ESF1: variants seen among roughly 807,000 people sequenced by gnomAD.
The protein encoded by ESF1 is ESF1 nucleolar pre-rRNA processing protein, also known as ESF1 homolog.
ESF1 carries 58 observed loss-of-function variants against 92.0 expected under a neutral mutation model. The observed-to-expected ratio is 0.63, with a 90% CI of 0.51 to 0.78. ESF1 has a LOEUF of 0.78. Ranked by LOEUF, ESF1 falls within the 30% of genes least tolerant of loss-of-function variation. The pLI is 0.00. For synonymous variants in ESF1, 321 were observed against 313.7 expected (o/e 1.02, Z -0.24); for missense variants, 922 against 989.1 (o/e 0.93, Z 0.91).
intron 8 of ESF1, among the ~76,000 whole-genome samples, chr20:13,761,929 C>T (rs1476782317): frequency 1.3e-5 from 2 of 152,154 alleles, no homozygotes; most frequent in Non-Finnish European, 2.9e-5. Context: ...GGAAACTCTA[C>T]TAGCAGGATA....
Position 13,733,844 on chromosome 20 carries a change from T to C in ESF1, c.1829-2A>G, listed in dbSNP as rs2049959476. ...TCTCTTCTGCACTTTCTTTAAGACC[T>C]GAGGAAAAATCCAAATAGTTTAGCT... On this transcript the variant is annotated splice_acceptor_variant, in intron 9 of 13. Coordinates refer to ENST00000617257, the MANE Select transcript of ESF1 (RefSeq NM_001276380.2). LOFTEE classifies it high-confidence loss of function. 2 of 1,597,594 alleles carry C rather than the reference T, an allele frequency of 1.3e-6. No individual in the cohort carries two copies. The highest frequency in any genetic ancestry group is 1.7e-6 in the Non-Finnish European group (2 of 1,175,098).
intron 9 of ESF1, among the ~76,000 whole-genome samples, chr20:13,756,156 C>T (rs1978884072): frequency 6.6e-6 from 1 of 152,184 alleles, no homozygotes; most frequent in Non-Finnish European, 1.5e-5. Context: ...TATCTCTAAG[C>T]AAGAAAGTGG....
intron 9 of ESF1, among the ~76,000 whole-genome samples, chr20:13,754,559 C>G (rs1194257120): frequency 1.3e-5 from 2 of 152,072 alleles, no homozygotes; most frequent in Non-Finnish European, 2.9e-5. Flanking sequence ...CAATGGGCAT[C>G]TTGAACTTAA....
In ESF1 at chr20:13,759,913, A is replaced by G. The variant is rs1979082681; in HGVS notation, c.1667-60T>C. On this transcript the variant is annotated intron_variant, in intron 8 of 13. Transcript: ENST00000617257. ...CAATTCATTTCTAACTCGTGTTCAG[A>G]TCTTATGGTCACTCTCTTTTAAAAG... 3 of 1,512,744 alleles carry G rather than the reference A, an allele frequency of 2.0e-6. No homozygotes were observed. The East Asian group carries it at 7.1e-5, about 36-fold the overall frequency. 93.7% of individuals were successfully genotyped at this position (1,512,744 alleles called of 1,614,324 possible).
intron 9 of ESF1, among the ~76,000 whole-genome samples, chr20:13,741,153 A>G (rs954439241): frequency 6.6e-6 from 1 of 152,028 alleles, no homozygotes; most frequent in East Asian, 1.9e-4. Context: ...ACAATACATC[A>G]ATTCTTCTGC....
Position 13,715,027 on chromosome 20 carries a change from T to C in ESF1, c.2403A>G (p.Glu801=). 3.1e-6 allele frequency: 5 copies of C among 1,614,106 alleles called. No individual in the cohort carries two copies. Among genetic ancestry groups the C allele is most frequent in the Non-Finnish European group, 4.2e-6 (5 of 1,179,998 alleles). The change falls in exon 14 of 14, where the codon GAA becomes GAG. Residue 801 remains glutamate, a synonymous_variant. Transcript: ENST00000617257. ...TCTTTATTGCCTGAGTAAGTTCTTG[T>C]TCTTTCCGTTCTCTTTGCCGGGCCT... ...EEKARQRERK[E]QELTQAIKKK...
intron 9 of ESF1, among the ~76,000 whole-genome samples, chr20:13,749,941 G>A (rs1297681897): frequency 6.6e-6 from 1 of 152,128 alleles, no homozygotes; most frequent in Non-Finnish European, 1.5e-5. Flanking sequence ...AATTGAGGAA[G>A]GAAAGTACCC....
At chr20:13,759,001 A>C (rs1979029365) in intron 9 of ESF1, among the ~76,000 whole-genome samples, 2 of 152,198 alleles carry the variant, frequency 1.3e-5, no homozygotes, top group Admixed American at 6.5e-5. Context: ...GAGATTAACA[A>C]CACCAACAAT....
chr20:13,762,065 T>C (rs557197767), intron 8 of ESF1, among the ~76,000 whole-genome samples: 1 of 152,224 alleles, frequency 6.6e-6, no homozygotes, highest in African/African-American at 2.4e-5. Flanking sequence ...GTTTTTAAAA[T>C]TCATTTTGTC....
intron 9 of ESF1, among the ~76,000 whole-genome samples, chr20:13,740,179 T>C (rs1211856830): frequency 6.6e-6 from 1 of 152,180 alleles, no homozygotes; most frequent in East Asian, 1.9e-4. Flanking sequence ...GCAAATATTT[T>C]TTAAAAGAAG....
chr20:13,730,181 G>A (rs971082316), intron 10 of ESF1, among the ~76,000 whole-genome samples: 8 of 151,152 alleles, frequency 5.3e-5, no homozygotes, highest in African/African-American at 9.7e-5. Flanking sequence ...CAAGCGATTC[G>A]CCTACCTCAG....
chr20:13,779,865 C>T lies in ESF1; in HGVS notation c.637+2639G>A, dbSNP rs1980101396. 2.0e-5 allele frequency among the ~76,000 whole-genome samples: 3 copies of T among 152,136 alleles called. No individual in the cohort carries two copies. In the South Asian group the frequency reaches 6.2e-4, roughly 32 times the overall value. The stretch of plus-strand genomic sequence containing the variant: ...CCGTTTTATTTTAAAAATAATGCTG[C>T]AATGCACATTCTTTGCACACATCCA... On this transcript the variant is annotated intron_variant, in intron 2 of 13. Transcript: ENST00000617257.
intron 8 of ESF1, among the ~76,000 whole-genome samples, chr20:13,760,633 G>A (rs865823963): frequency 1.3e-4 from 20 of 151,250 alleles, no homozygotes; most frequent in East Asian, 3.9e-4. Flanking sequence ...GAGCGTCTCC[G>A]CCCGGCAGCC....
At chr20:13,761,413 TAA>T (rs202029740) in intron 8 of ESF1, among the ~76,000 whole-genome samples, 165 of 139,696 alleles carry the variant, frequency 1.2e-3, no homozygotes, top group Middle Eastern at 3.6e-3. Context: ...TACAAAAAAT[TAA>T]AAAAAAAAAA....
chr20:13,748,582 A>ATG (rs1568718448), intron 9 of ESF1, among the ~76,000 whole-genome samples: 8 of 68,384 alleles, frequency 1.2e-4, no homozygotes, highest in African/African-American at 4.7e-4. Context: ...GTGTATATAT[A>ATG]TATATATATA....
At position 13,775,283 on chromosome 20, in the gene ESF1, A is replaced by C. The variant is rs984002557; in HGVS notation, c.1036-13T>G. Reference sequence around the variant, plus strand: ...ATCGACGTGTAATCTGAGAAATGAGAAGAATTAAATAGTACATAATCCATA... The same window carrying C: ...ATCGACGTGTAATCTGAGAAATGAGCAGAATTAAATAGTACATAATCCATA... On this transcript the variant is annotated splice_polypyrimidine_tract_variant and intron_variant, in intron 3 of 13. Transcript: ENST00000617257. The C allele has an allele frequency of 3.3e-6, 5 of 1,495,480 alleles. No individual in the cohort carries two copies. In the Admixed American group the frequency reaches 5.7e-5, roughly 17 times the overall value. 92.6% of individuals were successfully genotyped at this position (1,495,480 alleles called of 1,614,324 possible).
chr20:13,763,526 T>C (rs1325476933), intron 8 of ESF1, among the ~76,000 whole-genome samples: 1 of 152,234 alleles, frequency 6.6e-6, no homozygotes, highest in Non-Finnish European at 1.5e-5. Flanking sequence ...ATCTTACAGC[T>C]GATAGTGAAG....
intron 9 of ESF1, among the ~76,000 whole-genome samples, chr20:13,736,622 T>C (rs947994312): frequency 1.3e-5 from 2 of 152,216 alleles, no homozygotes; most frequent in Admixed American, 6.5e-5. Context: ...AGCCATCTGT[T>C]TGATCTTTCA....
chr20:13,733,804 A>G lies in ESF1; in HGVS notation c.1867T>C (p.Leu623=), dbSNP rs2049959310. The change falls in exon 10 of 14, where the codon TTG becomes CTG. Residue 623 remains leucine, a synonymous_variant. Transcript: ENST00000617257. ...ESAEEMVKNK[L]EGKDKLTPWE... ...GGGGTCAGTTTATCCTTTCCTTCCA[A>G]TTTGTTTTTGACCATCTCTTCTGCA... is the stretch of plus-strand genomic sequence containing the variant. The G allele has an allele frequency of 6.2e-7, 1 of 1,612,482 alleles. No homozygotes were observed. The highest frequency in any genetic ancestry group is 1.1e-5 in the South Asian group (1 of 90,854).
Sources: gnomAD v4.1 joint callset for allele counts (sites outside exome capture counted in the v4.1 genomes callset) on GRCh38, gnomAD v4.1.1 for gene constraint, MANE v1.5 for transcripts, NCBI Gene and HGNC (gene_info 2026-07-23, HGNC 2026-07-21) for gene names.